NEGR1: variants seen among roughly 807,000 people sequenced by gnomAD.
NEGR1 encodes neuronal growth regulator 1.
In NEGR1, 10 loss-of-function variants were observed where a neutral mutation model predicts 40.9. That is an observed-to-expected ratio of 0.24 (90% CI 0.15 to 0.42). The LOEUF is 0.42. Among genes scored for constraint, NEGR1 ranks in the 10% least tolerant of loss-of-function variants. The pLI, the probability that NEGR1 is intolerant of heterozygous loss-of-function variation, is 1.00. For missense variants in NEGR1, 352 were observed against 438.9 expected (o/e 0.80, Z 1.77); for synonymous variants, 185 against 166.8 (o/e 1.11, Z -0.84).
intron 6 of NEGR1, among the ~76,000 whole-genome samples, chr1:71,430,952 G>A (rs1233681432): frequency 6.6e-6 from 1 of 151,856 alleles, no homozygotes; most frequent in Non-Finnish European, 1.5e-5. Flanking sequence ...GTAGAGACAG[G>A]GTTTCACCGT....
chr1:72,189,470 G>C (rs577337327), intron 1 of NEGR1, among the ~76,000 whole-genome samples: 58 of 151,546 alleles, frequency 3.8e-4, no homozygotes, highest in African/African-American at 1.4e-3. Context: ...TCCATGCTGT[G>C]GTACCTCTGT....
In NEGR1 at chr1:71,689,969, A is replaced by G. The variant is rs549519962; in HGVS notation, c.667+8039T>C. 7.2e-5 allele frequency among the ~76,000 whole-genome samples: 11 copies of G among 152,198 alleles called. No homozygotes were observed. The East Asian group carries it at 1.9e-3, about 27-fold the overall frequency. ...AGATAAATAAGAAAGAAATGAGTGA[A>G]GACAAGCTAGCAAGCTTGAATGTAC... On this transcript the variant is annotated intron_variant, in intron 4 of 6. Coordinates refer to ENST00000357731, the MANE Select transcript of NEGR1 (RefSeq NM_173808.3).
chr1:71,938,074 A>T (rs1256508175), intron 1 of NEGR1, among the ~76,000 whole-genome samples: 2 of 152,132 alleles, frequency 1.3e-5, no homozygotes, highest in African/African-American at 4.8e-5. Flanking sequence ...TGTAATAGCC[A>T]GTGTTCCCAA....
At chr1:71,552,501 A>T (rs1490824810) in intron 6 of NEGR1, among the ~76,000 whole-genome samples, 1 of 148,130 alleles carries the variant, frequency 6.8e-6, no homozygotes, top group Non-Finnish European at 1.5e-5. Context: ...AGAAGAATAT[A>T]TTCTATATAT....
intron 4 of NEGR1, among the ~76,000 whole-genome samples, chr1:71,672,835 G>T (rs1314934933): frequency 1.3e-5 from 2 of 152,156 alleles, no homozygotes; most frequent in Non-Finnish European, 2.9e-5. Context: ...GAGCTAGGAT[G>T]AGAGTATGTT....
rs77201749 is a variant in NEGR1, at chr1:71,791,488, CT to C, written c.410-15192del. ...AATTGGCAAATGCTATAAATTATGG[CT>C]TTTTTAAAAAAATATTTATCAGTAG... On this transcript the variant is annotated intron_variant, in intron 2 of 6. Coordinates refer to ENST00000357731, the MANE Select transcript of NEGR1 (RefSeq NM_173808.3). Among the ~76,000 whole-genome samples the C allele has an allele frequency of 1.1e-4, 16 of 151,928 alleles. No individual in the cohort carries two copies. In the East Asian group the frequency reaches 2.7e-3, roughly 26 times the overall value.
At chr1:71,756,394 C>CAAAAAAAAA (rs1293104436) in intron 3 of NEGR1, among the ~76,000 whole-genome samples, 1 of 58,642 alleles carries the variant, frequency 1.7e-5, no homozygotes. Flanking sequence ...CTCAAAAAAA[C>CAAAAAAAAA]AAAAAACAAA....
chr1:72,040,095 T>C (rs1243040547), intron 1 of NEGR1, among the ~76,000 whole-genome samples: 2 of 152,032 alleles, frequency 1.3e-5, no homozygotes, highest in East Asian at 3.9e-4. Context: ...ATTAAATACT[T>C]ATACCACATA....
rs1474421763 is a variant in NEGR1 at position 72,200,843 on chromosome 1, G to A, written c.176+81476C>T. 4.6e-5 allele frequency among the ~76,000 whole-genome samples: 7 copies of A among 151,846 alleles called. No homozygotes were observed. In the East Asian group the frequency reaches 9.6e-4, roughly 21 times the overall value. On this transcript the variant is annotated intron_variant, in intron 1 of 6. Transcript: ENST00000357731. ...AACCTAACTTTTCAATAAAGAATGT[G>A]TTCAGAAAGAGTGTATTTTATTTTA...
intron 1 of NEGR1, among the ~76,000 whole-genome samples, chr1:72,201,868 A>G (rs1653225258): frequency 6.6e-6 from 1 of 151,994 alleles, no homozygotes; most frequent in African/African-American, 2.4e-5. Context: ...CTCTGCCTTG[A>G]TCCTACCAAA....
chr1:72,251,811 A>G (rs373198567), intron 1 of NEGR1, among the ~76,000 whole-genome samples: 4 of 152,158 alleles, frequency 2.6e-5, no homozygotes, highest in South Asian at 4.1e-4. Flanking sequence ...CCTTTATAAT[A>G]AAATATTTTT....
At chr1:71,926,019 A>T (rs931370820) in intron 2 of NEGR1, among the ~76,000 whole-genome samples, 5 of 152,140 alleles carry the variant, frequency 3.3e-5, no homozygotes, top group African/African-American at 9.7e-5. Context: ...CAGATTTCAC[A>T]TGCAAAACTA....
intron 6 of NEGR1, among the ~76,000 whole-genome samples, chr1:71,587,024 T>C (rs1239118574): frequency 6.6e-6 from 1 of 152,106 alleles, no homozygotes; most frequent in African/African-American, 2.4e-5. Context: ...TCACCAAGTC[T>C]AAATTTATTA....
intron 1 of NEGR1, among the ~76,000 whole-genome samples, chr1:72,151,163 G>A (rs866200303): frequency 5.3e-5 from 8 of 151,766 alleles, no homozygotes; most frequent in Middle Eastern, 3.4e-3. Flanking sequence ...CAAAAGGTTT[G>A]CACAATGGTT....
intron 1 of NEGR1, among the ~76,000 whole-genome samples, chr1:72,190,103 C>G (rs1207079155): frequency 6.6e-6 from 1 of 151,486 alleles, no homozygotes; most frequent in African/African-American, 2.4e-5. Flanking sequence ...ATACTAGCCA[C>G]GTACACATGA....
At chr1:71,700,625 C>T (rs1174489915) in intron 3 of NEGR1, among the ~76,000 whole-genome samples, 2 of 151,788 alleles carry the variant, frequency 1.3e-5, no homozygotes, top group Non-Finnish European at 2.9e-5. Flanking sequence ...TTATTGCTGC[C>T]ATAAGAAAAT....
chr1:71,409,284 G>A (rs1045643671), intron 6 of NEGR1, among the ~76,000 whole-genome samples: 2 of 151,824 alleles, frequency 1.3e-5, no homozygotes, highest in African/African-American at 2.4e-5. Flanking sequence ...CTTCTCAATA[G>A]TAGTTATGCT....
At chr1:72,039,941 G>A (rs559804449) in intron 1 of NEGR1, among the ~76,000 whole-genome samples, 30 of 151,948 alleles carry the variant, frequency 2.0e-4, no homozygotes, top group African/African-American at 6.3e-4. Flanking sequence ...ACTCAAAAAC[G>A]TATTTTCTAT....
chr1:71,472,459 A>G lies in NEGR1; in HGVS notation c.941-64889T>C, dbSNP rs540634589. On this transcript the variant is annotated intron_variant, in intron 6 of 6. Transcript: ENST00000357731. ...ATTTTGGTGTAAAAGATGAAATTCA[A>G]TTGGGCTACTGGGACTTGTGTCTCA... is the stretch of plus-strand genomic sequence containing the variant. The G allele has an allele frequency of 4.6e-5, 7 of 152,250 alleles. No homozygotes were observed. The South Asian group carries it at 6.2e-4, about 14-fold the overall frequency. 9.4% of individuals were successfully genotyped at this position (152,250 alleles called of 1,614,324 possible).
Sources: gnomAD v4.1 joint callset for allele counts (sites outside exome capture counted in the v4.1 genomes callset) on GRCh38, gnomAD v4.1.1 for gene constraint, MANE v1.5 for transcripts, NCBI Gene and HGNC (gene_info 2026-07-23, HGNC 2026-07-21) for gene names.